PAM: variants seen among roughly 807,000 people sequenced by gnomAD.
The protein encoded by PAM is peptidylglycine alpha-amidating monooxygenase, also known as peptidyl-glycine alpha-amidating monooxygenase.
A neutral mutation model predicts 122.1 loss-of-function variants in PAM; 72 were observed. The ratio of observed to expected loss-of-function variants is 0.59; its 90% CI spans 0.49 to 0.72. The LOEUF (loss-of-function observed/expected upper bound fraction) is 0.72, where lower values mean the gene tolerates loss of function less well. Ranked by LOEUF, PAM falls within the 30% of genes least tolerant of loss-of-function variation. The pLI is 0.00. For missense variants in PAM, 1,106 were observed against 1,183.7 expected (o/e 0.93, Z 0.96); for synonymous variants, 389 against 404.4 (o/e 0.96, Z 0.46).
chr5:102,974,186 T>C lies in PAM; in HGVS notation c.1233T>C (p.Asn411=), dbSNP rs1766841589. 6.2e-7 allele frequency: 1 copy of C among 1,613,702 alleles called. No homozygotes were observed. The highest frequency in any genetic ancestry group is 1.7e-5 in the Admixed American group (1 of 59,962). Reference sequence around the variant, plus strand: ...ATGTTGTTCATGTGCACAAATATAATCCTACAGAAAAGGCAGAATCAGAGT... The same window carrying C: ...ATGTTGTTCATGTGCACAAATATAACCCTACAGAAAAGGCAGAATCAGAGT... The part of the protein sequence containing the change: ...REDVVHVHKY[N]PTEKAESESD... The change falls in exon 15 of 26, where the codon AAT becomes AAC. Residue 411 remains asparagine, a synonymous_variant. Transcript: ENST00000438793.
intron 1 of PAM, among the ~76,000 whole-genome samples, chr5:102,859,555 A>C (rs1336956934): frequency 6.6e-6 from 1 of 152,174 alleles, no homozygotes; most frequent in Non-Finnish European, 1.5e-5. Context: ...ATGAAGTAAA[A>C]AGCTACACTG....
intron 21 of PAM, among the ~76,000 whole-genome samples, chr5:103,016,112 T>G: frequency 6.6e-6 from 1 of 152,168 alleles, no homozygotes. Flanking sequence ...AAGGCAGCAT[T>G]TTGATTTCTG....
chr5:102,803,091 C>G (rs965659464), intron 1 of PAM, among the ~76,000 whole-genome samples: 5 of 150,702 alleles, frequency 3.3e-5, no homozygotes, highest in African/African-American at 2.4e-5. Flanking sequence ...CCATTGCACT[C>G]CAGCCTGGGC....
At chr5:102,924,448 A>C (rs1057461945) in intron 5 of PAM, among the ~76,000 whole-genome samples, 2 of 151,798 alleles carry the variant, frequency 1.3e-5, no homozygotes, top group Non-Finnish European at 2.9e-5. Context: ...AAAAAAAAAA[A>C]AAACAAAAAA....
intron 21 of PAM, among the ~76,000 whole-genome samples, chr5:103,013,896 A>G (rs1781303671): frequency 6.6e-6 from 1 of 152,206 alleles, no homozygotes. Context: ...TTCTATTTAT[A>G]TAAACAAATA....
At chr5:102,971,494 C>T (rs62362522) in intron 14 of PAM, among the ~76,000 whole-genome samples, 2 of 152,260 alleles carry the variant, frequency 1.3e-5, no homozygotes, top group Non-Finnish European at 2.9e-5. Flanking sequence ...GTGCACCCAG[C>T]AGAGACCCCT....
At chr5:103,021,750 T>C (rs988846488) in intron 23 of PAM, among the ~76,000 whole-genome samples, 1 of 152,206 alleles carries the variant, frequency 6.6e-6, no homozygotes, top group African/African-American at 2.4e-5. Context: ...ATGTAAATCA[T>C]GCTGGATCTC....
chr5:102,808,984 T>C (rs1767043225), intron 1 of PAM, among the ~76,000 whole-genome samples: 1 of 152,228 alleles, frequency 6.6e-6, no homozygotes, highest in Non-Finnish European at 1.5e-5. Context: ...GAACCACTTA[T>C]AACATTCAGA....
intron 1 of PAM, among the ~76,000 whole-genome samples, chr5:102,843,388 A>G (rs1779150092): frequency 6.6e-6 from 1 of 152,208 alleles, no homozygotes; most frequent in Admixed American, 6.5e-5. Context: ...TAGATCACAG[A>G]GTTAAATGTA....
At chr5:102,853,024 G>A (rs1047025117) in intron 1 of PAM, among the ~76,000 whole-genome samples, 6 of 152,140 alleles carry the variant, frequency 3.9e-5, no homozygotes, top group Admixed American at 1.3e-4. Context: ...ATTTGTTCCA[G>A]AAACATCCAG....
intron 1 of PAM, among the ~76,000 whole-genome samples, chr5:102,772,853 T>C (rs1156293313): frequency 6.6e-6 from 1 of 152,118 alleles, no homozygotes; most frequent in African/African-American, 2.4e-5. Context: ...TGTCTACCTT[T>C]TAATTTCATG....
At chr5:102,962,497 G>A (rs1047446903) in intron 14 of PAM, among the ~76,000 whole-genome samples, 4 of 151,636 alleles carry the variant, frequency 2.6e-5, no homozygotes, top group African/African-American at 7.3e-5. Context: ...AAATAATTTT[G>A]TCTTAGAATA....
intron 12 of PAM, among the ~76,000 whole-genome samples, chr5:102,952,490 G>A (rs900448513): frequency 3.9e-5 from 6 of 152,090 alleles, no homozygotes; most frequent in African/African-American, 1.4e-4. Flanking sequence ...TAATAAAAAT[G>A]AAATAGAAAG....
At chr5:102,970,475 G>T (rs1024884618) in intron 14 of PAM, among the ~76,000 whole-genome samples, 1 of 152,126 alleles carries the variant, frequency 6.6e-6, no homozygotes, top group African/African-American at 2.4e-5. Context: ...TATGTTAGAG[G>T]AGAGTCTCTC....
chr5:102,869,613 G>A (rs1488362354), intron 3 of PAM, among the ~76,000 whole-genome samples: 1 of 152,122 alleles, frequency 6.6e-6, no homozygotes, highest in African/African-American at 2.4e-5. Flanking sequence ...ACTTGGTTCA[G>A]CTGACATACA....
At chr5:102,889,302 G>A (rs956788955) in intron 3 of PAM, among the ~76,000 whole-genome samples, 1 of 151,828 alleles carries the variant, frequency 6.6e-6, no homozygotes, top group African/African-American at 2.4e-5. Context: ...TTATTTCCTT[G>A]GTTCCTTTTC....
At chr5:102,789,610 A>G (rs1443877901) in intron 1 of PAM, among the ~76,000 whole-genome samples, 1 of 152,112 alleles carries the variant, frequency 6.6e-6, no homozygotes, top group Non-Finnish European at 1.5e-5. Flanking sequence ...AGAAGATAGA[A>G]TGCTAGTTGC....
At chr5:102,887,535 C>T (rs1793518092) in intron 3 of PAM, among the ~76,000 whole-genome samples, 1 of 151,882 alleles carries the variant, frequency 6.6e-6, no homozygotes, top group Non-Finnish European at 1.5e-5. Flanking sequence ...AAGCACAGAG[C>T]ACATTAGCAA....
At chr5:102,866,334 A>C in intron 2 of PAM, 50 bp downstream of exon 2, 1 of 1,214,312 alleles carries the variant, frequency 8.2e-7, no homozygotes, top group Non-Finnish European at 1.2e-6. Context: ...TGAGAAATGT[A>C]ATCACTTTTA....
Sources: gnomAD v4.1 joint callset for allele counts (sites outside exome capture counted in the v4.1 genomes callset) on GRCh38, gnomAD v4.1.1 for gene constraint, MANE v1.5 for transcripts, NCBI Gene and HGNC (gene_info 2026-07-23, HGNC 2026-07-21) for gene names.